Variants in ACBD6 observed in about 807,000 individuals in gnomAD.
ACBD6 encodes the protein acyl-CoA-binding domain-containing protein 6.
In ACBD6, 28 loss-of-function variants were observed where a neutral mutation model predicts 37.2. The observed-to-expected ratio is 0.75, with a 90% CI of 0.56 to 1.03. The LOEUF is 1.03. Ranked by LOEUF, ACBD6 falls within the 50% of genes least tolerant of loss-of-function variation. The pLI is 0.00. For missense variants in ACBD6, 340 were observed against 337.4 expected (o/e 1.01, Z -0.06); for synonymous variants, 113 against 126.8 (o/e 0.89, Z 0.73).
chr1:180,483,410 CATT>C (rs1203164254), intron 3 of ACBD6, among the ~76,000 whole-genome samples: 1 of 152,066 alleles, frequency 6.6e-6, no homozygotes, highest in African/African-American at 2.4e-5. Context: ...TTTACTAATA[CATT>C]ATTAATATTT....
exon 10 of ACBD6, chr1:180,274,893 C>T (rs1648933364): frequency 1.1e-5 from 3 of 267,560 alleles, no homozygotes. Flanking sequence ...GCTTTGGTAG[C>T]ACAAGGTGAC....
chr1:180,444,423 C>T (rs912831101), intron 3 of ACBD6, among the ~76,000 whole-genome samples: 1 of 152,070 alleles, frequency 6.6e-6, no homozygotes, highest in African/African-American at 2.4e-5. Context: ...TGCACAAATA[C>T]ACATGTTAGA....
intron 3 of ACBD6, among the ~76,000 whole-genome samples, chr1:180,438,701 C>T (rs1291526485): frequency 6.6e-6 from 1 of 152,174 alleles, no homozygotes; most frequent in Non-Finnish European, 1.5e-5. Context: ...GCCCCCATTA[C>T]TAACATCTTG....
At chr1:180,342,070 G>A (rs1481793115) in intron 6 of ACBD6, among the ~76,000 whole-genome samples, 3 of 152,114 alleles carry the variant, frequency 2.0e-5, no homozygotes, top group African/African-American at 7.2e-5. Flanking sequence ...GGGCTGAAGT[G>A]TTCTACTGTT....
At chr1:180,388,281 G>A (rs1653923327) in intron 6 of ACBD6, among the ~76,000 whole-genome samples, 1 of 151,860 alleles carries the variant, frequency 6.6e-6, no homozygotes, top group Non-Finnish European at 1.5e-5. Flanking sequence ...TAACCCTTTA[G>A]TCTTCTTATG....
chr1:180,416,034 AAG>A (rs553039220), intron 4 of ACBD6, among the ~76,000 whole-genome samples: 187 of 152,342 alleles, frequency 1.2e-3, no homozygotes, highest in African/African-American at 4.4e-3. Context: ...AAATACCAAA[AAG>A]AGAAGTTCAA....
chr1:180,493,633 A>G (rs945750539), intron 2 of ACBD6, among the ~76,000 whole-genome samples: 3 of 152,194 alleles, frequency 2.0e-5, no homozygotes, highest in Non-Finnish European at 4.4e-5. Context: ...CCCTAAATAG[A>G]TCAGCTTACA....
At position 180,502,387 on chromosome 1, in the gene ACBD6, G is replaced by A. The variant is rs1235062604; in HGVS notation, c.-121C>T. The A allele has an allele frequency of 2.7e-6, 3 of 1,119,718 alleles. No individual in the cohort carries two copies. Among genetic ancestry groups the A allele is most frequent in the African/African-American group, 3.1e-5 (2 of 64,916 alleles). 69.4% of individuals were successfully genotyped at this position (1,119,718 alleles called of 1,614,324 possible). On this transcript the variant is annotated 5_prime_UTR_variant, in exon 1 of 8. Transcript: ENST00000367595. ...GAGCCTGAGCTCCAGTCGGACCCAAGCTCAGTCGCGGCGCGCTCCCTCACG... is the reference window on the plus strand; with the variant it reads ...GAGCCTGAGCTCCAGTCGGACCCAAACTCAGTCGCGGCGCGCTCCCTCACG...
At chr1:180,442,663 T>C (rs1007036938) in intron 3 of ACBD6, among the ~76,000 whole-genome samples, 4 of 152,238 alleles carry the variant, frequency 2.6e-5, no homozygotes, top group Admixed American at 6.5e-5. Flanking sequence ...AGTCTTTTTA[T>C]GCTCTGTGCT....
At chr1:180,345,838 GTTT>G (rs549320550) in intron 6 of ACBD6, among the ~76,000 whole-genome samples, 1 of 151,798 alleles carries the variant, frequency 6.6e-6, no homozygotes, top group African/African-American at 2.4e-5. Context: ...ATGTCTATAT[GTTT>G]TTTTTAACTT....
At chr1:180,311,521 T>G (rs1054830561) in intron 7 of ACBD6, among the ~76,000 whole-genome samples, 3 of 152,188 alleles carry the variant, frequency 2.0e-5, no homozygotes, top group Admixed American at 6.5e-5. Flanking sequence ...CACTGCAGCC[T>G]CCAACTCCTG....
At chr1:180,464,264 G>A (rs565360778) in intron 3 of ACBD6, among the ~76,000 whole-genome samples, 1 of 152,150 alleles carries the variant, frequency 6.6e-6, no homozygotes, top group Non-Finnish European at 1.5e-5. Flanking sequence ...GTTTGCAGAC[G>A]ACATGATTCC....
chr1:180,403,945 G>A (rs183081408), intron 5 of ACBD6, among the ~76,000 whole-genome samples: 10 of 151,978 alleles, frequency 6.6e-5, no homozygotes, highest in African/African-American at 2.4e-4. Context: ...GGTGTTTAAT[G>A]GGTACAGAGT....
At chr1:180,370,594 T>C (rs955743777) in intron 6 of ACBD6, among the ~76,000 whole-genome samples, 4 of 152,196 alleles carry the variant, frequency 2.6e-5, no homozygotes, top group East Asian at 3.8e-4. Flanking sequence ...TGTACAAATA[T>C]ACATTTACAC....
intron 6 of ACBD6, among the ~76,000 whole-genome samples, chr1:180,396,521 G>A (rs553586752): frequency 6.6e-6 from 1 of 152,040 alleles, no homozygotes; most frequent in South Asian, 2.1e-4. Context: ...CCACAAAAAG[G>A]GAGAAGACAC....
rs201288177 is a variant in ACBD6, at chr1:180,296,131, G to GTC, written c.695-7616_695-7615dup. 1.1e-3 allele frequency among the ~76,000 whole-genome samples: 170 copies of GTC among 152,266 alleles called. 1 individual carries two copies. In the East Asian group the frequency reaches 0.03, roughly 27 times the overall value. ...CAGCCTTATTGCTGATTTAGAAAAA[G>GTC]TCTGAGTGGTCTGGGTAGAAGATCA... is the stretch of plus-strand genomic sequence containing the variant. On this transcript the variant is annotated intron_variant, in intron 7 of 7. Transcript: ENST00000367595.
rs1264972718 is a variant in ACBD6, at chr1:180,288,358, T to C, written c.*5A>G. Reference sequence around the variant, plus strand: ...ATTACAGACTGCAGTTTTCCAGTCTTTTGATTAAGCCTTGCCAGTTGTGTG... The same window carrying C: ...ATTACAGACTGCAGTTTTCCAGTCTCTTGATTAAGCCTTGCCAGTTGTGTG... On this transcript the variant is annotated 3_prime_UTR_variant, in exon 8 of 8. Transcript: ENST00000367595. The C allele has an allele frequency of 3.7e-6, 6 of 1,613,548 alleles. No individual in the cohort carries two copies. Among genetic ancestry groups the C allele is most frequent in the Middle Eastern group, 1.7e-4 (1 of 5,748 alleles).
At chr1:180,490,086 T>G (rs1406846095) in intron 3 of ACBD6, among the ~76,000 whole-genome samples, 1 of 151,206 alleles carries the variant, frequency 6.6e-6, no homozygotes, top group African/African-American at 2.5e-5. Context: ...TCACCAATAG[T>G]GTAGTATAAA....
At chr1:180,306,516 G>A (rs1199675487) in intron 7 of ACBD6, among the ~76,000 whole-genome samples, 1 of 152,122 alleles carries the variant, frequency 6.6e-6, no homozygotes, top group African/African-American at 2.4e-5. Context: ...ACTAATGCTA[G>A]AGAGAAGTTT....
Sources: allele counts gnomAD v4.1 joint callset (sites outside exome capture counted in the v4.1 genomes callset), GRCh38; gene constraint gnomAD v4.1.1; transcripts MANE v1.5; gene names NCBI Gene and HGNC (gene_info 2026-07-23, HGNC 2026-07-21).